The following DHX58 variants were observed in gnomAD, a reference collection of about 807,000 sequenced individuals.
DHX58 encodes DExH-box helicase 58, also known as ATP-dependent RNA helicase DHX58.
In DHX58, 51 loss-of-function variants were observed where a neutral mutation model predicts 65.0. That is an observed-to-expected ratio of 0.78 (90% CI 0.63 to 0.99). The LOEUF (loss-of-function observed/expected upper bound fraction) is 0.99, where lower values mean the gene tolerates loss of function less well. Among genes scored for constraint, DHX58 ranks in the 50% least tolerant of loss-of-function variants. DHX58 has a pLI of 0.00. For synonymous variants in DHX58, 350 were observed against 365.0 expected, an observed-to-expected ratio of 0.96 and a Z score of 0.47; for missense variants, 773 against 891.8, an observed-to-expected ratio of 0.87 and a Z score of 1.70.
chr17:42,111,682 C>T, intron 3 of DHX58, 43 bp downstream of exon 3: 1 of 1,583,452 alleles, frequency 6.3e-7, no homozygotes, highest in Non-Finnish European at 8.6e-7. Context: ...GAGCTAAGAC[C>T]CTGCTTGGTG....
Position 42,107,722 on chromosome 17 carries a change from G to A in DHX58, c.879C>T (p.Ile293=), listed in dbSNP as rs1555663069. ...CATCCACGGCGCGGACGGTGTCATG[G>A]ATGAGCAGCGCGTCATTGTAGCGCC... ...HLRRYNDALL[I]HDTVRAVDAL... The change falls in exon 8 of 14, where the codon ATC becomes ATT. Residue 293 remains isoleucine, a synonymous_variant. Coordinates refer to ENST00000251642, the MANE Select transcript of DHX58 (RefSeq NM_024119.3). 3 of 1,608,846 alleles carry A rather than the reference G, an allele frequency of 1.9e-6. No homozygotes were observed. The Admixed American group carries it at 5.0e-5, about 27-fold the overall frequency.
chr17:42,107,765 A>T lies in DHX58; in HGVS notation c.836T>A (p.Val279Glu). 6.3e-7 allele frequency: 1 copy of T among 1,591,108 alleles called. No individual in the cohort carries two copies. Among genetic ancestry groups the T allele is most frequent in the Non-Finnish European group, 8.6e-7 (1 of 1,168,478 alleles). Residue 279 changes from valine to glutamate, a missense_variant, in exon 8 of 14, where the codon GTG becomes GAG. Physicochemically the swap from Val to Glu is moderately radical, Grantham distance 121. Coordinates refer to ENST00000251642, the MANE Select transcript of DHX58 (RefSeq NM_024119.3). ...AALAGLQEQR[V>E]YALHLRRYND... ...GTAGCGCCTCAGGTGAAGCGCATAC[A>T]CCCGTTGCTCCTGAAGCCCAGCCAA...
In DHX58 at chr17:42,111,488, C is replaced by A. The variant is rs782581987; in HGVS notation, c.178G>T (p.Val60Leu). Reference protein sequence around the residue: ...VVVLVNRVHLVTQHGEEFRRM... With the variant: ...VVVLVNRVHLLTQHGEEFRRM... ...CTGAACTCTTCACCATGCTGGGTCA[C>A]CAGGTGCACCTGGGGGTGGAGAATG... Residue 60 changes from valine to leucine, a missense_variant, in exon 4 of 14, where the codon GTG becomes TTG. By Grantham distance (32) the Val-to-Leu change is conservative. Coordinates refer to ENST00000251642, the MANE Select transcript of DHX58 (RefSeq NM_024119.3). 1.2e-6 allele frequency: 2 copies of A among 1,613,784 alleles called. No individual in the cohort carries two copies. Among genetic ancestry groups the A allele is most frequent in the Non-Finnish European group, 1.7e-6 (2 of 1,179,960 alleles).
intron 12 of DHX58, chr17:42,102,593 C>T (rs2053996393): frequency 2.8e-6 from 1 of 355,102 alleles, no homozygotes; most frequent in East Asian, 5.5e-5. Flanking sequence ...AATCCCAAGC[C>T]ATCCTTCCAC....
At chr17:42,105,239 G>A (rs1248156137) in intron 9 of DHX58, 72 bp from the exon 10 acceptor site, 3 of 1,490,928 alleles carry the variant, frequency 2.0e-6, no homozygotes, top group Non-Finnish European at 2.7e-6. Flanking sequence ...ACCTGCCAGA[G>A]TAGCCTCTTC....
intron 12 of DHX58, chr17:42,102,643 C>T (rs1443994119): frequency 4.8e-6 from 1 of 209,256 alleles, no homozygotes; most frequent in African/African-American, 2.3e-5. Flanking sequence ...TCTGCCCTGA[C>T]ATTCTGTTCC....
chr17:42,110,822 G>T lies in DHX58; in HGVS notation c.462C>A (p.Leu154=). The stretch of plus-strand genomic sequence containing the variant: ...CCTGGGGTAGCGGCTGTGCCCTCTG[G>T]AGTTTAAGTTCTAGGTACTGGCTCA... ...VIMSQYLELK[L]QRAQPLPQVL... The change falls in exon 5 of 14, where the codon CTC becomes CTA. Residue 154 remains leucine, a synonymous_variant. Coordinates refer to ENST00000251642, the MANE Select transcript of DHX58 (RefSeq NM_024119.3). The T allele has an allele frequency of 6.2e-7, 1 of 1,614,040 alleles. No individual in the cohort carries two copies. Among genetic ancestry groups the T allele is most frequent in the Non-Finnish European group, 8.5e-7 (1 of 1,179,972 alleles).
intron 4 of DHX58, 83 bp downstream of exon 4, chr17:42,111,213 C>T (rs1375077845): frequency 6.5e-7 from 1 of 1,527,282 alleles, no homozygotes; most frequent in South Asian, 1.2e-5. Context: ...ACTCCCAACA[C>T]CTTGACTCCA....
At chr17:42,107,921 C>T (rs577415123) in intron 7 of DHX58, 61 bp downstream of exon 7, 8 of 1,607,446 alleles carry the variant, frequency 5.0e-6, no homozygotes, top group Non-Finnish European at 6.8e-6. Context: ...TCCGCCCCGG[C>T]AGGCCCCGCC....
chr17:42,102,661 C>T (rs1392824909), intron 12 of DHX58: 5 of 189,934 alleles, frequency 2.6e-5, no homozygotes, highest in Non-Finnish European at 5.4e-5. Flanking sequence ...TCCTTAAAAT[C>T]TATCCAAGAT....
intron 1 of DHX58, 117 bp from the exon 2 acceptor site, chr17:42,112,322 A>G: frequency 5.1e-6 from 1 of 194,392 alleles, no homozygotes; most frequent in South Asian, 1.4e-4. Flanking sequence ...CGTGAGTACA[A>G]ACTCCGGTTA....
intron 6 of DHX58, 92 bp from the exon 7 acceptor site, chr17:42,108,200 ACTGCCT>A: frequency 3.2e-6 from 5 of 1,573,948 alleles, no homozygotes; most frequent in Non-Finnish European, 4.3e-6. Context: ...GCACACCGCG[ACTGCCT>A]CACCCATCTG....
In DHX58 at chr17:42,105,146, G is replaced by A. The variant is rs1555662363; in HGVS notation, c.1273C>T (p.Gln425Ter). The A allele has an allele frequency of 1.9e-6, 3 of 1,613,670 alleles. No individual in the cohort carries two copies. The highest frequency in any genetic ancestry group is 2.2e-5 in the East Asian group (1 of 44,858). ...MTQRDQQEVI[Q>*]KFQDGTLNLL... ...TTCAGGGTTCCATCTTGGAACTTCTGGATCACTTCTTGCTGGTCCCTCTGC... is the reference window on the plus strand; with the variant it reads ...TTCAGGGTTCCATCTTGGAACTTCTAGATCACTTCTTGCTGGTCCCTCTGC... The change falls in exon 10 of 14, where the codon CAG becomes TAG. Residue 425 changes from glutamine (Q) to a stop codon, truncating the protein, a stop_gained. Transcript: ENST00000251642. LOFTEE classifies it high-confidence loss of function.
chr17:42,104,674 A>T, intron 11 of DHX58, 92 bp downstream of exon 11: 1 of 1,515,630 alleles, frequency 6.6e-7, no homozygotes, highest in South Asian at 1.2e-5. Context: ...TGTAGAGGGG[A>T]CAGGGGGACG....
rs556539453 is a variant in DHX58 at position 42,112,230 on chromosome 17, G to A, written c.-94-25C>T. 1.5e-4 allele frequency: 34 copies of A among 220,444 alleles called. No homozygotes were observed. The South Asian group carries it at 4.3e-3, about 28-fold the overall frequency. The allele number at this position is 220,444 out of a possible 1,614,324, so 13.7% of individuals were successfully genotyped here. On this transcript the variant is annotated intron_variant, in intron 1 of 13. Transcript: ENST00000251642. ...ACTGAGGGAAGGAGCCAGCTGAGCC[G>A]ACTTAGGAATCTCCCATCCCCGCCC...
chr17:42,110,037 A>C (rs2054124469), intron 5 of DHX58, among the ~76,000 whole-genome samples: 3 of 151,758 alleles, frequency 2.0e-5, no homozygotes, highest in Admixed American at 2.0e-4. Flanking sequence ...AATACAAAAA[A>C]TTAGCTGGGC....
At chr17:42,105,378 A>G (rs1259522893) in intron 9 of DHX58, among the ~76,000 whole-genome samples, 2 of 151,492 alleles carry the variant, frequency 1.3e-5, no homozygotes, top group African/African-American at 4.9e-5. Flanking sequence ...TTCCCTAGGG[A>G]CTCCTAAGGG....
chr17:42,110,362 A>G (rs560435575), intron 5 of DHX58, among the ~76,000 whole-genome samples: 123 of 152,286 alleles, frequency 8.1e-4, no homozygotes, highest in Middle Eastern at 3.4e-3. Context: ...TTCAAAGGGA[A>G]GCGCATTCTA....
At chr17:42,102,410 C>A in intron 12 of DHX58, 98 bp from the exon 13 acceptor site, 2 of 1,062,204 alleles carry the variant, frequency 1.9e-6, no homozygotes, top group Non-Finnish European at 2.9e-6. Context: ...GACCTTGGGC[C>A]TTCCTGCTGG....
Sources: gnomAD v4.1 joint callset for allele counts (sites outside exome capture counted in the v4.1 genomes callset) on GRCh38, gnomAD v4.1.1 for gene constraint, MANE v1.5 for transcripts, NCBI Gene and HGNC (gene_info 2026-07-23, HGNC 2026-07-21) for gene names.